The following LRBA variants were observed in gnomAD, a reference collection of about 807,000 sequenced individuals.
LRBA encodes the protein lipopolysaccharide-responsive and beige-like anchor protein.
A neutral mutation model predicts 330.0 loss-of-function variants in LRBA; 176 were observed. That is an observed-to-expected ratio of 0.53 (90% confidence interval 0.47 to 0.60). The LOEUF (loss-of-function observed/expected upper bound fraction) is 0.60, where lower values mean the gene tolerates loss of function less well. Among genes scored for constraint, LRBA ranks in the 20% least tolerant of loss-of-function variants. LRBA has a pLI of 0.00. For synonymous variants in LRBA, 1,230 were observed against 1,193.0 expected (o/e 1.03, Z -0.64); for missense variants, 3,259 against 3,444.8 (o/e 0.95, Z 1.35).
chr4:150,274,361 G>C (rs1746495226), intron 56 of LRBA, among the ~76,000 whole-genome samples: 1 of 152,128 alleles, frequency 6.6e-6, no homozygotes, highest in Non-Finnish European at 1.5e-5. Context: ...AAGCAGGAAA[G>C]ATTTAAAATC....
intron 53 of LRBA, among the ~76,000 whole-genome samples, chr4:150,294,867 C>T (rs937290002): frequency 1.3e-4 from 20 of 152,094 alleles, no homozygotes; most frequent in Non-Finnish European, 2.4e-4. Context: ...AGGAGAATTG[C>T]TTGAACCTGG....
At position 150,683,595 on chromosome 4, in the gene LRBA, G is replaced by A. The variant is rs1582033640; in HGVS notation, c.5877C>T (p.Asn1959=). ...AGGCTCCATGCTTGTCTGTGAGAAT[G>A]TTGATAATTTTCTGGATTAGTTGAG... ...TATQLIQKII[N]ILTDKHGAWG... Residue 1959 remains asparagine (N), a synonymous_variant, in exon 37 of 57, where the codon AAC becomes AAT. Coordinates refer to ENST00000651943, the MANE Select transcript of LRBA (RefSeq NM_001364905.1). The A allele has an allele frequency of 1.9e-6, 3 of 1,613,836 alleles. No individual in the cohort carries two copies. The highest frequency in any genetic ancestry group is 2.5e-6 in the Non-Finnish European group (3 of 1,179,842).
chr4:150,737,555 G>A (rs2127150280), intron 35 of LRBA, among the ~76,000 whole-genome samples: 1 of 151,634 alleles, frequency 6.6e-6, no homozygotes, highest in Non-Finnish European at 1.5e-5. Context: ...GAAAGAAAGA[G>A]AGAGAGAAAG....
At chr4:150,763,284 T>A (rs1409785403) in intron 34 of LRBA, among the ~76,000 whole-genome samples, 1 of 152,020 alleles carries the variant, frequency 6.6e-6, no homozygotes, top group African/African-American at 2.4e-5. Context: ...CTTAGGCATA[T>A]CGTGCTACAT....
At chr4:150,489,492 TATATTATATATAAGA>T (rs1348903417) in intron 41 of LRBA, among the ~76,000 whole-genome samples, 1,225 of 48,268 alleles carry the variant, frequency 0.025, 317 homozygotes, top group Non-Finnish European at 0.044. Context: ...GAATATATAA[TATATTATATATAAGA>T]ATATATAATA....
chr4:150,318,218 AT>A (rs953910068), intron 50 of LRBA, among the ~76,000 whole-genome samples: 2 of 152,164 alleles, frequency 1.3e-5, no homozygotes, highest in East Asian at 3.9e-4. Context: ...ACCAGTTAGA[AT>A]TTTTTTTAAG....
intron 53 of LRBA, among the ~76,000 whole-genome samples, chr4:150,302,318 C>G (rs1729780360): frequency 6.6e-6 from 1 of 152,054 alleles, no homozygotes; most frequent in Admixed American, 6.6e-5. Context: ...TGTGATTGCT[C>G]TTTTATGCTG....
At chr4:150,643,984 TAATGTAGCTATAGATGACCGTGTTTCA>T (rs1778912693) in intron 37 of LRBA, among the ~76,000 whole-genome samples, 1 of 152,092 alleles carries the variant, frequency 6.6e-6, no homozygotes, top group Admixed American at 6.5e-5. Context: ...CAGATCATAC[TAATGTAGCTATAGATGACCGTGTTTCA>T]AATGTCACAC....
At chr4:150,748,559 C>T (rs547828641) in intron 35 of LRBA, among the ~76,000 whole-genome samples, 1 of 151,718 alleles carries the variant, frequency 6.6e-6, no homozygotes, top group Non-Finnish European at 1.5e-5. Flanking sequence ...CCCAGCTACT[C>T]AGGAGGCTGA....
intron 40 of LRBA, chr4:150,582,906 A>C (rs1448823023): frequency 5.9e-6 from 7 of 1,193,486 alleles, no homozygotes; most frequent in Non-Finnish European, 8.1e-6. Flanking sequence ...CGAGAGTGAA[A>C]GTAGGGCTTA....
At position 150,375,912 on chromosome 4, in the gene LRBA, C is replaced by T. The variant is rs554364101; in HGVS notation, c.7195-25753G>A. Among the ~76,000 whole-genome samples the T allele has an allele frequency of 7.9e-5, 12 of 152,208 alleles. No individual in the cohort carries two copies. The South Asian group carries it at 2.5e-3, about 32-fold the overall frequency. On this transcript the variant is annotated intron_variant, in intron 47 of 56. Coordinates refer to ENST00000651943, the MANE Select transcript of LRBA (RefSeq NM_001364905.1). ...GTATTGCAGGGTGAAGTCATAAACC[C>T]TCTATCTTCGACCATCACTCACTAT...
intron 35 of LRBA, among the ~76,000 whole-genome samples, chr4:150,738,863 A>AT (rs1466318286): frequency 6.6e-6 from 1 of 152,080 alleles, no homozygotes; most frequent in Admixed American, 6.5e-5. Flanking sequence ...GAAAAAAAAA[A>AT]GAAACACAAG....
intron 34 of LRBA, among the ~76,000 whole-genome samples, chr4:150,775,452 AACACACACACACACACACACACACAC>A (rs200525703): frequency 5.6e-4 from 19 of 33,954 alleles, no homozygotes; most frequent in African/African-American, 8.7e-4. Flanking sequence ...TCTGCAATGG[AACACACACACACACACACACACACAC>A]ACACACACAC....
At chr4:150,446,064 G>A (rs910024994) in intron 44 of LRBA, among the ~76,000 whole-genome samples, 3 of 152,002 alleles carry the variant, frequency 2.0e-5, no homozygotes, top group South Asian at 4.2e-4. Context: ...GCCAAGCACA[G>A]AAAGATAAAT....
At chr4:150,989,732 CAAAG>C (rs1409113874) in intron 2 of LRBA, among the ~76,000 whole-genome samples, 3 of 150,894 alleles carry the variant, frequency 2.0e-5, no homozygotes, top group Non-Finnish European at 4.4e-5. Flanking sequence ...GACCCACAGC[CAAAG>C]AAAGAAAGAA....
intron 39 of LRBA, among the ~76,000 whole-genome samples, chr4:150,590,188 CTG>C (rs1413629330): frequency 6.6e-6 from 1 of 152,060 alleles, no homozygotes; most frequent in Non-Finnish European, 1.5e-5. Context: ...GGATGTAAAA[CTG>C]AGAATCTGCA....
intron 53 of LRBA, among the ~76,000 whole-genome samples, 158 bp downstream of exon 53, chr4:150,302,467 T>C (rs1419913035): frequency 6.6e-6 from 1 of 152,180 alleles, no homozygotes; most frequent in East Asian, 1.9e-4. Context: ...GGTCACAAAA[T>C]TGATAATGAG....
intron 37 of LRBA, among the ~76,000 whole-genome samples, chr4:150,606,083 T>C (rs1774594359): frequency 6.6e-6 from 1 of 152,166 alleles, no homozygotes; most frequent in Non-Finnish European, 1.5e-5. Flanking sequence ...TATTTGTTTT[T>C]TAAAGCCATC....
intron 31 of LRBA, among the ~76,000 whole-genome samples, chr4:150,816,863 T>C (rs1744674280): frequency 6.6e-6 from 1 of 151,972 alleles, no homozygotes; most frequent in African/African-American, 2.4e-5. Context: ...AATCTATCAT[T>C]CATCCATGCA....
Sources: allele counts gnomAD v4.1 joint callset (sites outside exome capture counted in the v4.1 genomes callset), GRCh38; gene constraint gnomAD v4.1.1; transcripts MANE v1.5; gene names NCBI Gene and HGNC (gene_info 2026-07-23, HGNC 2026-07-21).